Variants in OSR2 observed in about 807,000 individuals in gnomAD.
OSR2 encodes odd-skipped related transciption factor 2.
A neutral mutation model predicts 22.3 loss-of-function variants in OSR2; 8 were observed. That is an observed-to-expected ratio of 0.36 (90% CI 0.21 to 0.65). OSR2 has a LOEUF of 0.65. Among genes scored for constraint, OSR2 ranks in the 30% least tolerant of loss-of-function variants. The pLI is 0.66. For missense variants in OSR2, 311 were observed against 413.4 expected (o/e 0.75, Z 2.15); for synonymous variants, 179 against 173.8 (o/e 1.03, Z -0.23).
At chr8:98,945,839 G>A (rs544358406) in intron 1 of OSR2, among the ~76,000 whole-genome samples, 1 of 152,178 alleles carries the variant, frequency 6.6e-6, no homozygotes, top group African/African-American at 2.4e-5. Flanking sequence ...TTCTGCTGTG[G>A]TTTGGGCTGA....
At chr8:98,947,827 C>G (rs896906326) in intron 1 of OSR2, among the ~76,000 whole-genome samples, 3 of 152,188 alleles carry the variant, frequency 2.0e-5, no homozygotes, top group Non-Finnish European at 4.4e-5. Flanking sequence ...CTCCTTTCCT[C>G]TCCCTCCCCG....
In OSR2 at chr8:98,949,495, T is replaced by C; in HGVS notation, c.543T>C (p.Phe181=). The C allele has an allele frequency of 6.2e-7, 1 of 1,614,086 alleles. No individual in the cohort carries two copies. Among genetic ancestry groups the C allele is most frequent in the Non-Finnish European group, 8.5e-7 (1 of 1,179,922 alleles). ...EFICKFCGRH[F]TKSYNLLIHE... The stretch of plus-strand genomic sequence containing the variant: ...TCTGCAAGTTTTGCGGCAGACACTT[T>C]ACCAAATCCTACAATTTGCTCATCC... The change falls in exon 2 of 4, where the codon TTT becomes TTC. Residue 181 remains phenylalanine (F), a synonymous_variant. Transcript: ENST00000297565. The surrounding 1 kb of genome is among the most constrained non-coding windows in gnomAD (Gnocchi z 5.9).
chr8:98,948,616 G>A lies in OSR2; in HGVS notation c.-114-223G>A. The A allele has an allele frequency of 2.0e-6, 2 of 994,676 alleles. No homozygotes were observed. Among genetic ancestry groups the A allele is most frequent in the Non-Finnish European group, 2.8e-6 (2 of 702,440 alleles). The allele number at this position is 994,676 out of a possible 1,614,324, so 61.6% of individuals were successfully genotyped here. A position where few individuals can be genotyped will look rare whatever the true frequency, so the allele number is the denominator to read the frequency against. On this transcript the variant is annotated intron_variant, in intron 1 of 3. Coordinates refer to ENST00000297565, the MANE Select transcript of OSR2 (RefSeq NM_001142462.3). The surrounding 1 kb of genome is among the most constrained non-coding windows in gnomAD (Gnocchi z 6.0). The stretch of plus-strand genomic sequence containing the variant: ...ATCCGACTTTCTTTCCTTTGGGCAC[G>A]CGCTCGCCAGTGGAGCACTTCTTGT...
At position 98,948,431 on chromosome 8, in the gene OSR2, G is replaced by A; in HGVS notation, c.-114-408G>A. 1.4e-6 allele frequency: 2 copies of A among 1,400,878 alleles called. No homozygotes were observed. Among genetic ancestry groups the A allele is most frequent in the Admixed American group, 3.1e-5 (1 of 32,044 alleles). 86.8% of individuals were successfully genotyped at this position (1,400,878 alleles called of 1,614,324 possible). A position where few individuals can be genotyped will look rare whatever the true frequency, so the allele number is the denominator to read the frequency against. Reference sequence around the variant, plus strand: ...CGCAGCGGCGACAGAGGTTCGCCCCGGCCTGCTAGCATTGGCATTGCGGTT... The same window carrying A: ...CGCAGCGGCGACAGAGGTTCGCCCCAGCCTGCTAGCATTGGCATTGCGGTT... On this transcript the variant is annotated intron_variant, in intron 1 of 3. Transcript: ENST00000297565. The surrounding 1 kb of genome is among the most constrained non-coding windows in gnomAD (Gnocchi z 6.0).
intron 1 of OSR2, among the ~76,000 whole-genome samples, chr8:98,946,633 GA>G (rs1251660610): frequency 6.6e-6 from 1 of 152,076 alleles, no homozygotes; most frequent in Admixed American, 6.5e-5. Flanking sequence ...ACCATTCAGA[GA>G]AAAGGGAAAG....
chr8:98,951,604 TC>T lies in OSR2; in HGVS notation c.843del (p.Lys282SerfsTer23). The T allele has an allele frequency of 6.2e-7, 1 of 1,613,950 alleles. No individual in the cohort carries two copies. Among genetic ancestry groups the T allele is most frequent in the Non-Finnish European group, 8.5e-7 (1 of 1,179,890 alleles). On this transcript the variant is annotated frameshift_variant, in exon 4 of 4. Coordinates refer to ENST00000297565, the MANE Select transcript of OSR2 (RefSeq NM_001142462.3). LOFTEE classifies it high-confidence loss of function. The stretch of plus-strand genomic sequence containing the variant: ...ACTCACCTTCTCACCCATACAGACA[TC>T]AAGCCCTACAGCTGCGAGCAGTGCG... The part of the protein sequence containing the change: ...LKTHLLTHTD[I>X]KPYSCEQCGK...
rs1840721044 is a variant in OSR2, at chr8:98,949,445, C to T, written c.493C>T (p.Pro165Ser). 1.2e-6 allele frequency: 2 copies of T among 1,613,928 alleles called. No homozygotes were observed. The highest frequency in any genetic ancestry group is 1.7e-6 in the Non-Finnish European group (2 of 1,179,902). ...PDRKPSRGRLPSKTKKEFICK... is the reference protein window; with the variant it reads ...PDRKPSRGRLSSKTKKEFICK... ...CAGAAAGCCCTCTCGAGGAAGGTTG[C>T]CCTCCAAAACGAAAAAAGAGTTTAT... The change falls in exon 2 of 4, where the codon CCC (proline) becomes TCC (serine). Residue 165 changes from proline to serine, a missense_variant. Physicochemically the swap from Pro to Ser is moderately conservative, Grantham distance 74. Coordinates refer to ENST00000297565, the MANE Select transcript of OSR2 (RefSeq NM_001142462.3). The surrounding 1 kb of genome is among the most constrained non-coding windows in gnomAD (Gnocchi z 5.9).
At chr8:98,951,053 T>C (rs1489962892) in intron 3 of OSR2, 2 of 551,718 alleles carry the variant, frequency 3.6e-6, no homozygotes, top group Admixed American at 3.5e-5. Flanking sequence ...GAAATAAAGG[T>C]AATTTTGATA....
rs1840679831 is a variant in OSR2 at position 98,948,547 on chromosome 8, C to T, written c.-114-292C>T. ...GCCCGGCTGTCCGCCTTTCGTTTTC[C>T]TGGGACCGAGGAGTCTTCCGCTCCG... On this transcript the variant is annotated intron_variant, in intron 1 of 3. Coordinates refer to ENST00000297565, the MANE Select transcript of OSR2 (RefSeq NM_001142462.3). This position sits in a 1 kb window ranked among gnomAD's most constrained non-coding sequence, Gnocchi z 6.0. The T allele has an allele frequency of 2.3e-6, 3 of 1,312,866 alleles. No individual in the cohort carries two copies. The highest frequency in any genetic ancestry group is 3.0e-5 in the African/African-American group (2 of 66,936). The allele number at this position is 1,312,866 out of a possible 1,614,324, so 81.3% of individuals were successfully genotyped here.
At position 98,949,523 on chromosome 8, in the gene OSR2, G is replaced by C. The variant is rs1477171778; in HGVS notation, c.571G>C (p.Glu191Gln). The C allele has an allele frequency of 6.2e-7, 1 of 1,614,138 alleles. No homozygotes were observed. The highest frequency in any genetic ancestry group is 8.5e-7 in the Non-Finnish European group (1 of 1,179,998). The change falls in exon 2 of 4, where the codon GAG becomes CAG. Residue 191 changes from glutamate to glutamine, a missense_variant. By Grantham distance (29) the Glu-to-Gln change is conservative. Coordinates refer to ENST00000297565, the MANE Select transcript of OSR2 (RefSeq NM_001142462.3). This position sits in a 1 kb window ranked among gnomAD's most constrained non-coding sequence, Gnocchi z 5.9. ...FTKSYNLLIH[E>Q]RTHTDERPYT... Reference sequence around the variant, plus strand: ...CAAATCCTACAATTTGCTCATCCATGAGAGGACCCACACGGACGAGAGGCC... The same window carrying C: ...CAAATCCTACAATTTGCTCATCCATCAGAGGACCCACACGGACGAGAGGCC...
Position 98,944,635 on chromosome 8 carries a change from T to C in OSR2, c.-303T>C, listed in dbSNP as rs1840549466. On this transcript the variant is annotated 5_prime_UTR_variant, in exon 1 of 4. Transcript: ENST00000297565. Reference sequence around the variant, plus strand: ...CTTTACACAGTCCGCGTCCACAGACTCTGACGAAGACGTGGATCTGCTCTC... The same window carrying C: ...CTTTACACAGTCCGCGTCCACAGACCCTGACGAAGACGTGGATCTGCTCTC... The C allele has an allele frequency of 6.6e-6, 1 of 152,206 alleles. No homozygotes were observed. Among genetic ancestry groups the C allele is most frequent in the African/African-American group, 2.4e-5 (1 of 41,458 alleles). The allele number at this position is 152,206 out of a possible 1,614,324, so 9.4% of individuals were successfully genotyped here.
Position 98,948,899 on chromosome 8 carries a change from T to A in OSR2, c.-54T>A, listed in dbSNP as rs1262057242. 6.2e-7 allele frequency: 1 copy of A among 1,613,338 alleles called. No homozygotes were observed. Among genetic ancestry groups the A allele is most frequent in the South Asian group, 1.1e-5 (1 of 91,074 alleles). On this transcript the variant is annotated 5_prime_UTR_variant, in exon 2 of 4. Transcript: ENST00000297565. The surrounding 1 kb of genome is among the most constrained non-coding windows in gnomAD (Gnocchi z 6.0). ...TGTCGGAGCCCCACGCCCTCCGGCC[T>A]CTGATTCCTGGAAGAAAGGGTTGGT...
chr8:98,948,307 G>A lies in OSR2; in HGVS notation c.-114-532G>A, dbSNP rs754763910. 7 of 1,524,410 alleles carry A rather than the reference G, an allele frequency of 4.6e-6. No individual in the cohort carries two copies. Among genetic ancestry groups the A allele is most frequent in the Admixed American group, 4.0e-5 (2 of 49,916 alleles). The allele number at this position is 1,524,410 out of a possible 1,614,324, so 94.4% of individuals were successfully genotyped here. On this transcript the variant is annotated intron_variant, in intron 1 of 3. Coordinates refer to ENST00000297565, the MANE Select transcript of OSR2 (RefSeq NM_001142462.3). The surrounding 1 kb of genome is among the most constrained non-coding windows in gnomAD (Gnocchi z 6.0). ...GCTCTTGCACGCCGGCTTGCCATCC[G>A]GGTAAGCGCGGGAAAGGCGGCCACA...
Position 98,951,531 on chromosome 8 carries a change from A to C in OSR2, c.769A>C (p.Lys257Gln). Residue 257 changes from lysine (K) to glutamine (Q), a missense_variant, in exon 4 of 4, where the codon AAA (lysine) becomes CAA (glutamine). By Grantham distance (53) the Lys-to-Gln change is moderately conservative. Around this residue, in one of 5 missense-constraint regions of OSR2, gnomAD observed 70 missense variants for 84.5 expected, o/e 0.83. Coordinates refer to ENST00000297565, the MANE Select transcript of OSR2 (RefSeq NM_001142462.3). ...CACATCTGAACAGGAATCTCCACAC[A>C]AATGTCCCACATGTGGAAGAACCTT... Reference protein sequence around the residue: ...KTLHMQESPHKCPTCGRTFNQ... With the variant: ...KTLHMQESPHQCPTCGRTFNQ... 6.3e-7 allele frequency: 1 copy of C among 1,590,192 alleles called. No individual in the cohort carries two copies. Among genetic ancestry groups the C allele is most frequent in the Non-Finnish European group, 8.6e-7 (1 of 1,168,216 alleles).
In OSR2 at chr8:98,949,252, G is replaced by A; in HGVS notation, c.300G>A (p.Gly100=). 1 of 1,606,696 alleles carries A rather than the reference G, an allele frequency of 6.2e-7. No individual in the cohort carries two copies. Among genetic ancestry groups the A allele is most frequent in the Non-Finnish European group, 8.5e-7 (1 of 1,175,120 alleles). ...FTTHLFHPKQ[G]AIAHVLPALH... Reference sequence around the variant, plus strand: ...CCCACCTATTCCACCCCAAGCAGGGGGCCATTGCCCACGTCCTCCCAGCCC... The same window carrying A: ...CCCACCTATTCCACCCCAAGCAGGGAGCCATTGCCCACGTCCTCCCAGCCC... Residue 100 remains glycine (G), a synonymous_variant, in exon 2 of 4, where the codon GGG becomes GGA. Coordinates refer to ENST00000297565, the MANE Select transcript of OSR2 (RefSeq NM_001142462.3). The surrounding 1 kb of genome is among the most constrained non-coding windows in gnomAD (Gnocchi z 5.9).
chr8:98,948,493 C>A lies in OSR2; in HGVS notation c.-114-346C>A. On this transcript the variant is annotated intron_variant, in intron 1 of 3. Transcript: ENST00000297565. This position sits in a 1 kb window ranked among gnomAD's most constrained non-coding sequence, Gnocchi z 6.0. ...GCCTAACAGGCTTGGGGAGGGTGGG[C>A]TGGGCTGGGCTGGGCTGGGCTGGGT... is the stretch of plus-strand genomic sequence containing the variant. The A allele has an allele frequency of 2.2e-5, 1 of 46,146 alleles. No homozygotes were observed. The highest frequency in any genetic ancestry group is 3.5e-5 in the Non-Finnish European group (1 of 28,188). The allele number at this position is 46,146 out of a possible 1,614,324, so 2.9% of individuals were successfully genotyped here. A position where few individuals can be genotyped will look rare whatever the true frequency, so the allele number is the denominator to read the frequency against.
In OSR2 at chr8:98,951,748, C is replaced by T. The variant is rs142318455; in HGVS notation, c.*47C>T. 3.8e-6 allele frequency: 6 copies of T among 1,559,176 alleles called. No individual in the cohort carries two copies. In the East Asian group the frequency reaches 1.4e-4, roughly 37 times the overall value. ...TGCCGCCGCTGCTCCCCTCCCCAGACACCTCTCCACGTCTCCTACCCAGGG... is the reference window on the plus strand; with the variant it reads ...TGCCGCCGCTGCTCCCCTCCCCAGATACCTCTCCACGTCTCCTACCCAGGG... On this transcript the variant is annotated 3_prime_UTR_variant, in exon 4 of 4. Coordinates refer to ENST00000297565, the MANE Select transcript of OSR2 (RefSeq NM_001142462.3).
rs904037691 is a variant in OSR2, at chr8:98,949,334, G to A, written c.382G>A (p.Glu128Lys). Residue 128 changes from glutamate (E) to lysine (K), a missense_variant, in exon 2 of 4, where the codon GAG becomes AAG. Glu to Lys is a moderately conservative substitution (Grantham distance 56, BLOSUM62 1). This residue lies in a region of OSR2 where 53 missense variants were observed against 59.5 expected (regional missense o/e 0.89). Transcript: ENST00000297565. The surrounding 1 kb of genome is among the most constrained non-coding windows in gnomAD (Gnocchi z 5.9). Reference sequence around the variant, plus strand: ...CAATTTGGCGGTGGCTGCCACGCAAGAGGATCCGCCTAAGATGGGAGACCT... The same window carrying A: ...CAATTTGGCGGTGGCTGCCACGCAAAAGGATCCGCCTAAGATGGGAGACCT... ...FANLAVAATQ[E>K]DPPKMGDLSK... The A allele has an allele frequency of 5.0e-6, 8 of 1,613,212 alleles. No individual in the cohort carries two copies. Among genetic ancestry groups the A allele is most frequent in the African/African-American group, 4.0e-5 (3 of 74,946 alleles).
In OSR2 at chr8:98,948,678, G is replaced by A; in HGVS notation, c.-114-161G>A. 2.0e-6 allele frequency: 2 copies of A among 1,017,650 alleles called. No homozygotes were observed. Among genetic ancestry groups the A allele is most frequent in the Non-Finnish European group, 1.4e-6 (1 of 719,262 alleles). 63.0% of individuals were successfully genotyped at this position (1,017,650 alleles called of 1,614,324 possible). ...GCTGATCTGCACGCGGACTTGAGCA[G>A]GTGCCAAGGTGCCACGCAGTCCCCT... On this transcript the variant is annotated intron_variant, in intron 1 of 3. Coordinates refer to ENST00000297565, the MANE Select transcript of OSR2 (RefSeq NM_001142462.3). This position sits in a 1 kb window ranked among gnomAD's most constrained non-coding sequence, Gnocchi z 6.0.
Sources: allele counts gnomAD v4.1 joint callset (sites outside exome capture counted in the v4.1 genomes callset), GRCh38; gene constraint gnomAD v4.1.1; regional missense constraint gnomAD v4.1.1; non-coding constraint Gnocchi (gnomAD v3.1); transcripts MANE v1.5; gene names NCBI Gene and HGNC (gene_info 2026-07-23, HGNC 2026-07-21).